Variants in IGF2BP2 observed in about 807,000 individuals in gnomAD.
IGF2BP2 encodes the protein insulin like growth factor 2 mRNA binding protein 2, also known as insulin-like growth factor 2 mRNA-binding protein 2.
In IGF2BP2, 17 loss-of-function variants were observed where a neutral mutation model predicts 75.8. The ratio of observed to expected loss-of-function variants is 0.22; its 90% CI spans 0.15 to 0.34. IGF2BP2 has a LOEUF of 0.34. Ranked by LOEUF, IGF2BP2 falls within the 10% of genes least tolerant of loss-of-function variation. IGF2BP2 has a pLI of 1.00. For synonymous variants in IGF2BP2, 288 were observed against 295.6 expected, an observed-to-expected ratio of 0.97 and a Z score of 0.26; for missense variants, 516 against 772.4, an observed-to-expected ratio of 0.67 and a Z score of 3.93.
intron 10 of IGF2BP2, among the ~76,000 whole-genome samples, chr3:185,670,562 A>G (rs1263343483): frequency 6.6e-6 from 1 of 151,842 alleles, no homozygotes; most frequent in African/African-American, 2.4e-5. Flanking sequence ...GAGATTACCA[A>G]TTTATTTATT....
intron 2 of IGF2BP2, among the ~76,000 whole-genome samples, chr3:185,795,750 G>A (rs995704694): frequency 2.0e-5 from 3 of 152,032 alleles, no homozygotes; most frequent in Admixed American, 6.6e-5. Context: ...GTGTGGTGGC[G>A]CAGTCCCAGC....
At chr3:185,741,324 C>T (rs527628941) in intron 2 of IGF2BP2, among the ~76,000 whole-genome samples, 6 of 152,286 alleles carry the variant, frequency 3.9e-5, no homozygotes, top group Non-Finnish European at 8.8e-5. Context: ...TCCAACAGAA[C>T]CATATGCAGA....
Position 185,801,356 on chromosome 3 carries a change from G to A in IGF2BP2, c.239+21797C>T, listed in dbSNP as rs543635511. ...AATACAAAATTAGCCAGGCGTGGTG[G>A]CACATGCCTGTAATCCCAGCTACTC... On this transcript the variant is annotated intron_variant, in intron 2 of 15. Coordinates refer to ENST00000382199, the MANE Select transcript of IGF2BP2 (RefSeq NM_006548.6). 7.9e-5 allele frequency among the ~76,000 whole-genome samples: 12 copies of A among 152,172 alleles called. 1 individual carries two copies. The South Asian group carries it at 2.5e-3, about 32-fold the overall frequency.
At chr3:185,722,270 G>A (rs1424884216) in intron 2 of IGF2BP2, 1 of 456,288 alleles carries the variant, frequency 2.2e-6, no homozygotes, top group Non-Finnish European at 4.4e-6. Flanking sequence ...GGGTGAAACT[G>A]AGGCACAAAA....
At chr3:185,814,507 C>A (rs1007600933) in intron 2 of IGF2BP2, among the ~76,000 whole-genome samples, 1 of 152,074 alleles carries the variant, frequency 6.6e-6, no homozygotes, top group East Asian at 1.9e-4. Flanking sequence ...TGAGGTTAAC[C>A]TGTCCAAAGA....
intron 2 of IGF2BP2, among the ~76,000 whole-genome samples, chr3:185,786,646 G>C (rs967538982): frequency 6.6e-6 from 1 of 151,864 alleles, no homozygotes; most frequent in East Asian, 1.9e-4. Flanking sequence ...CTCTCTTTTC[G>C]GACTCAGCCC....
chr3:185,789,587 T>C (rs1311169888), intron 2 of IGF2BP2, among the ~76,000 whole-genome samples: 1 of 151,988 alleles, frequency 6.6e-6, no homozygotes, highest in Non-Finnish European at 1.5e-5. Context: ...GGCACACAGC[T>C]GTGTTTCAAG....
At chr3:185,655,722 C>T (rs1715336490) in intron 12 of IGF2BP2, among the ~76,000 whole-genome samples, 1 of 152,196 alleles carries the variant, frequency 6.6e-6, no homozygotes, top group African/African-American at 2.4e-5. Flanking sequence ...CTCTTCTTTT[C>T]CTAAAGGCCC....
chr3:185,762,154 G>A (rs1056037114), intron 2 of IGF2BP2, among the ~76,000 whole-genome samples: 3 of 151,976 alleles, frequency 2.0e-5, no homozygotes, highest in Admixed American at 6.6e-5. Context: ...TTGGGAGGCC[G>A]ATATGGGCAG....
intron 2 of IGF2BP2, among the ~76,000 whole-genome samples, chr3:185,702,739 C>T (rs1217948830): frequency 6.6e-6 from 1 of 152,090 alleles, no homozygotes; most frequent in East Asian, 1.9e-4. Context: ...CTGCTGCTGC[C>T]TCCTCCCCAT....
At chr3:185,694,715 A>G (rs879362695) in intron 4 of IGF2BP2, among the ~76,000 whole-genome samples, 18 of 152,224 alleles carry the variant, frequency 1.2e-4, no homozygotes, top group Non-Finnish European at 2.1e-4. Flanking sequence ...TCCTCAGTTT[A>G]TAATATAATC....
intron 2 of IGF2BP2, among the ~76,000 whole-genome samples, chr3:185,770,084 G>C (rs1436948678): frequency 6.6e-6 from 1 of 152,138 alleles, no homozygotes; most frequent in Non-Finnish European, 1.5e-5. Context: ...GAAGGGAAAC[G>C]AATCCTGAGC....
chr3:185,723,263 T>G (rs998885245), intron 2 of IGF2BP2, among the ~76,000 whole-genome samples: 1 of 152,200 alleles, frequency 6.6e-6, no homozygotes, highest in Admixed American at 6.5e-5. Flanking sequence ...TGATATTGAT[T>G]TCTATCCCTT....
intron 2 of IGF2BP2, among the ~76,000 whole-genome samples, chr3:185,810,109 C>T (rs920367239): frequency 5.3e-5 from 8 of 152,316 alleles, no homozygotes; most frequent in South Asian, 4.1e-4. Flanking sequence ...CTAAGACATG[C>T]GCTTTACCTG....
chr3:185,763,408 G>C (rs569479716), intron 2 of IGF2BP2, among the ~76,000 whole-genome samples: 2 of 152,206 alleles, frequency 1.3e-5, no homozygotes, highest in South Asian at 4.2e-4. Context: ...TTTCTCCTGC[G>C]ACTTAAGCAT....
chr3:185,658,423 G>T lies in IGF2BP2; in HGVS notation c.1201-14C>A, dbSNP rs1374539150. 1.2e-6 allele frequency: 2 copies of T among 1,611,916 alleles called. No individual in the cohort carries two copies. The highest frequency in any genetic ancestry group is 1.3e-5 in the African/African-American group (1 of 74,890). On this transcript the variant is annotated splice_polypyrimidine_tract_variant and intron_variant, in intron 10 of 15. Transcript: ENST00000382199. ...TCCGGAGTGGGTCTGCAGCATGAGAGAAAGAGTCAGTGGGCGGGTGCTCTC... is the reference window on the plus strand; with the variant it reads ...TCCGGAGTGGGTCTGCAGCATGAGATAAAGAGTCAGTGGGCGGGTGCTCTC...
chr3:185,676,311 T>C (rs1362086511), intron 7 of IGF2BP2, among the ~76,000 whole-genome samples: 1 of 152,122 alleles, frequency 6.6e-6, no homozygotes, highest in African/African-American at 2.4e-5. Flanking sequence ...TAACAAGAGA[T>C]AGACCAGAAC....
intron 10 of IGF2BP2, 107 bp downstream of exon 10, chr3:185,672,434 C>A: frequency 8.7e-7 from 1 of 1,154,066 alleles, no homozygotes; most frequent in Non-Finnish European, 1.2e-6. Flanking sequence ...TCTACTCGAG[C>A]ATGGCCTTTA....
At chr3:185,702,887 T>C (rs1196253338) in intron 2 of IGF2BP2, among the ~76,000 whole-genome samples, 1 of 152,224 alleles carries the variant, frequency 6.6e-6, no homozygotes, top group Non-Finnish European at 1.5e-5. Context: ...TATTTCACCT[T>C]CATTTTAACT....
Sources: gnomAD v4.1 joint callset for allele counts (sites outside exome capture counted in the v4.1 genomes callset) on GRCh38, gnomAD v4.1.1 for gene constraint, MANE v1.5 for transcripts, NCBI Gene and HGNC (gene_info 2026-07-23, HGNC 2026-07-21) for gene names.